Variants in NACC2 observed in about 807,000 individuals in gnomAD.
NACC2 encodes NACC family member 2, also known as nucleus accumbens-associated protein 2.
A neutral mutation model predicts 25.1 loss-of-function variants in NACC2; 8 were observed. The ratio of observed to expected loss-of-function variants is 0.32; its 90% CI spans 0.19 to 0.57. NACC2 has a LOEUF of 0.57. Among genes scored for constraint, NACC2 ranks in the 20% least tolerant of loss-of-function variants. The pLI is 0.89. For missense variants in NACC2, 644 were observed against 650.2 expected, an observed-to-expected ratio of 0.99 and a Z score of 0.10; for synonymous variants, 435 against 294.7, an observed-to-expected ratio of 1.48 and a Z score of -4.88.
Position 136,013,165 on chromosome 9 carries a change from G to GCCCCCCCCCCCCCAGAGAC in NACC2, c.1255+33_1255+34insGTCTCTGGGGGGGGGGGGG. 7.1e-6 allele frequency: 5 copies of GCCCCCCCCCCCCCAGAGAC among 706,926 alleles called. No homozygotes were observed. Among genetic ancestry groups the GCCCCCCCCCCCCCAGAGAC allele is most frequent in the Admixed American group, 1.9e-5 (1 of 52,014 alleles). The allele number at this position is 706,926 out of a possible 1,614,324, so 43.8% of individuals were successfully genotyped here. A position where few individuals can be genotyped will look rare whatever the true frequency, so the allele number is the denominator to read the frequency against. ...AGGCTGGGATCTGAACCCAGCCCCG[G>GCCCCCCCCCCCCCAGAGAC]CCCCACCCACCCGAGAGACCCCCAG... On this transcript the variant is annotated intron_variant, in intron 5 of 5. Transcript: ENST00000277554. This position sits in a 1 kb window ranked among gnomAD's most constrained non-coding sequence, Gnocchi z 6.6.
intron 2 of NACC2, among the ~76,000 whole-genome samples, chr9:136,024,407 AGT>A (rs1178145599): frequency 3.4e-5 from 4 of 116,362 alleles, no homozygotes; most frequent in African/African-American, 1.1e-4. Flanking sequence ...GTGAGGACAG[AGT>A]GTGTGTGTGT....
intron 2 of NACC2, among the ~76,000 whole-genome samples, chr9:136,025,235 G>A (rs959078002): frequency 6.6e-6 from 1 of 152,122 alleles, no homozygotes; most frequent in African/African-American, 2.4e-5. Context: ...CTGCTGGATG[G>A]CACAGATTTC....
At chr9:136,017,651 C>T (rs943392751) in intron 2 of NACC2, among the ~76,000 whole-genome samples, 5 of 152,186 alleles carry the variant, frequency 3.3e-5, no homozygotes. Flanking sequence ...CCACGGTGGA[C>T]ACCAGTCCGG....
rs1226800908 is a variant in NACC2, at chr9:136,050,574, G to C, written c.-53C>G. 2.8e-6 allele frequency: 2 copies of C among 725,072 alleles called. No individual in the cohort carries two copies. Among genetic ancestry groups the C allele is most frequent in the African/African-American group, 3.4e-5 (2 of 58,030 alleles). 44.9% of individuals were successfully genotyped at this position (725,072 alleles called of 1,614,324 possible). A position where few individuals can be genotyped will look rare whatever the true frequency, so the allele number is the denominator to read the frequency against. On this transcript the variant is annotated 5_prime_UTR_variant, in exon 2 of 6. Coordinates refer to ENST00000277554, the MANE Select transcript of NACC2 (RefSeq NM_144653.5). ...TCTCAGCGCGGGGCGGCCCTAGCGG[G>C]GCTCATCTGTGGGGGGCAGGAGGCA...
chr9:136,051,982 C>G (rs908048157), intron 1 of NACC2, among the ~76,000 whole-genome samples: 15 of 152,050 alleles, frequency 9.9e-5, no homozygotes, highest in Non-Finnish European at 1.3e-4. Context: ...AGCTCAGCTG[C>G]ACCCAGGCCG....
In NACC2 at chr9:136,008,478, TAGTC is replaced by T. The variant is rs1018321108; in HGVS notation, c.*3034_*3037del. 9 of 152,430 alleles carry T rather than the reference TAGTC, an allele frequency of 5.9e-5. No homozygotes were observed. The highest frequency in any genetic ancestry group is 1.7e-4 in the African/African-American group (7 of 41,584). 9.4% of individuals were successfully genotyped at this position (152,430 alleles called of 1,614,324 possible). A position where few individuals can be genotyped will look rare whatever the true frequency, so the allele number is the denominator to read the frequency against. ...CTATATAGGATATGCGTATTGCTAATAGTCAGGCTTAGGGATAAAGGTGCAGACA... is the reference window on the plus strand; with the variant it reads ...CTATATAGGATATGCGTATTGCTAATAGGCTTAGGGATAAAGGTGCAGACA... On this transcript the variant is annotated 3_prime_UTR_variant, in exon 6 of 6. Coordinates refer to ENST00000277554, the MANE Select transcript of NACC2 (RefSeq NM_144653.5).
chr9:136,017,259 G>A (rs958486113), intron 2 of NACC2, among the ~76,000 whole-genome samples: 1 of 152,180 alleles, frequency 6.6e-6, no homozygotes, highest in Non-Finnish European at 1.5e-5. Context: ...GGCACCACGC[G>A]TCAGAGACGG....
At chr9:136,041,060 A>AAAGGAAGG (rs1281679324) in intron 2 of NACC2, among the ~76,000 whole-genome samples, 28 of 148,696 alleles carry the variant, frequency 1.9e-4, no homozygotes, top group African/African-American at 6.7e-4. Context: ...GGAAGGAAGG[A>AAAGGAAGG]AAGGAAGGAA....
At chr9:136,043,939 C>T (rs1173556512) in intron 2 of NACC2, among the ~76,000 whole-genome samples, 4 of 152,172 alleles carry the variant, frequency 2.6e-5, no homozygotes, top group Non-Finnish European at 4.4e-5. Context: ...ATCCTCCTGC[C>T]TCAGCCTCCA....
rs1446995583 is a variant in NACC2 at position 136,018,179 on chromosome 9, T to C, written c.887-1750A>G. Among the ~76,000 whole-genome samples, 2 of 152,086 alleles carry C rather than the reference T, an allele frequency of 1.3e-5. No individual in the cohort carries two copies. The highest frequency in any genetic ancestry group is 2.9e-5 in the Non-Finnish European group (2 of 67,984). Reference sequence around the variant, plus strand: ...GCTCAGAGGCAGGTGCACCTGGCCATGCTGTCCCTGTTCCCAGTCCCTCCA... The same window carrying C: ...GCTCAGAGGCAGGTGCACCTGGCCACGCTGTCCCTGTTCCCAGTCCCTCCA... On this transcript the variant is annotated intron_variant, in intron 2 of 5. Transcript: ENST00000277554. This position sits in a 1 kb window ranked among gnomAD's most constrained non-coding sequence, Gnocchi z 4.4.
intron 2 of NACC2, among the ~76,000 whole-genome samples, chr9:136,034,336 G>C (rs1840520394): frequency 6.6e-6 from 1 of 152,046 alleles, no homozygotes; most frequent in Non-Finnish European, 1.5e-5. Flanking sequence ...AATCGTAAGA[G>C]AGTCCGAATC....
At chr9:136,044,580 T>TG (rs1281077110) in intron 2 of NACC2, among the ~76,000 whole-genome samples, 6 of 151,996 alleles carry the variant, frequency 3.9e-5, no homozygotes, top group African/African-American at 9.7e-5. Context: ...TGGGTGGTGG[T>TG]GGGGGGGCTC....
intron 1 of NACC2, among the ~76,000 whole-genome samples, chr9:136,073,995 G>A (rs182802830): frequency 6.6e-6 from 1 of 152,218 alleles, no homozygotes; most frequent in East Asian, 1.9e-4. Context: ...TCATGTCCTT[G>A]ACTATTTTTT....
chr9:136,040,289 G>A (rs1311377723), intron 2 of NACC2, among the ~76,000 whole-genome samples: 4 of 151,244 alleles, frequency 2.6e-5, no homozygotes, highest in Non-Finnish European at 5.9e-5. Flanking sequence ...AGGTTGCAGT[G>A]AGCCAAGATC....
rs1240920829 is a variant in NACC2, at chr9:136,019,611, C to CA, written c.887-3183dup. The stretch of plus-strand genomic sequence containing the variant: ...GCATGGAGGTGAACAACCGCGCCCC[C>CA]ACACAGGGAAGGTGCACCAGGGTCA... On this transcript the variant is annotated intron_variant, in intron 2 of 5. Transcript: ENST00000277554. The surrounding 1 kb of genome is among the most constrained non-coding windows in gnomAD (Gnocchi z 5.2). The CA allele has an allele frequency of 6.6e-6, 1 of 152,304 alleles. No individual in the cohort carries two copies. Among genetic ancestry groups the CA allele is most frequent in the Non-Finnish European group, 1.5e-5 (1 of 68,090 alleles). 9.4% of individuals were successfully genotyped at this position (152,304 alleles called of 1,614,324 possible).
chr9:136,064,341 C>G (rs1367045133), intron 1 of NACC2, among the ~76,000 whole-genome samples: 2 of 152,114 alleles, frequency 1.3e-5, no homozygotes, highest in African/African-American at 4.8e-5. Context: ...GAAGAATGAA[C>G]AAGCACAGCA....
At chr9:136,061,498 G>A (rs990771126) in intron 1 of NACC2, among the ~76,000 whole-genome samples, 1 of 152,212 alleles carries the variant, frequency 6.6e-6, no homozygotes, top group Non-Finnish European at 1.5e-5. Context: ...GGAAGGGGCT[G>A]GAGGCAGAGA....
intron 1 of NACC2, among the ~76,000 whole-genome samples, chr9:136,081,237 C>T (rs376168251): frequency 2.0e-5 from 3 of 152,192 alleles, no homozygotes; most frequent in Non-Finnish European, 2.9e-5. Context: ...GACTCAGTCC[C>T]GACGGGCACT....
chr9:136,058,234 C>T (rs890523208), intron 1 of NACC2, among the ~76,000 whole-genome samples: 4 of 152,234 alleles, frequency 2.6e-5, no homozygotes, highest in South Asian at 2.1e-4. Flanking sequence ...TCACCAACCT[C>T]GCCCTGCCTT....
Sources: allele counts gnomAD v4.1 joint callset (sites outside exome capture counted in the v4.1 genomes callset), GRCh38; gene constraint gnomAD v4.1.1; non-coding constraint Gnocchi (gnomAD v3.1); transcripts MANE v1.5; gene names NCBI Gene and HGNC (gene_info 2026-07-23, HGNC 2026-07-21).